ZBTB7C: variants seen among roughly 807,000 people sequenced by gnomAD.
ZBTB7C encodes zinc finger and BTB domain containing 7C.
In ZBTB7C, 8 loss-of-function variants were observed where a neutral mutation model predicts 25.7. The observed-to-expected ratio is 0.31, with a 90% CI of 0.18 to 0.56. The LOEUF (loss-of-function observed/expected upper bound fraction) is 0.56, where lower values mean the gene tolerates loss of function less well. ZBTB7C is among the 20% of genes least tolerant of loss of function. The pLI is 0.91. For synonymous variants in ZBTB7C, 394 were observed against 369.0 expected (o/e 1.07, Z -0.78); for missense variants, 824 against 855.2 (o/e 0.96, Z 0.46).
At chr18:48,034,750 G>A (rs1026467689) in intron 4 of ZBTB7C, among the ~76,000 whole-genome samples, 7 of 152,124 alleles carry the variant, frequency 4.6e-5, no homozygotes, top group South Asian at 2.1e-4. Context: ...CTGCCATCTC[G>A]TTCCATCTCT....
At chr18:48,038,033 G>T (rs1370697247) in intron 4 of ZBTB7C, among the ~76,000 whole-genome samples, 1 of 152,172 alleles carries the variant, frequency 6.6e-6, no homozygotes, top group Admixed American at 6.5e-5. Context: ...TGTTCTGCCT[G>T]GTTCTGTGGG....
rs1316056446 is a variant in ZBTB7C at position 48,029,401 on chromosome 18, G to A, written c.1719C>T (p.Leu573=). ...QLEAERNAGG[L]LAFALAENVA... Reference sequence around the variant, plus strand: ...CGTTCTCGGCCAGCGCGAAGGCCAGGAGGCCCCCCGCGTTCCTCTCAGCCT... The same window carrying A: ...CGTTCTCGGCCAGCGCGAAGGCCAGAAGGCCCCCCGCGTTCCTCTCAGCCT... Residue 573 remains leucine (L), a synonymous_variant, in exon 5 of 5, where the codon CTC becomes CTT. Transcript: ENST00000590800. The A allele has an allele frequency of 6.4e-6, 10 of 1,570,166 alleles. No homozygotes were observed. The Middle Eastern group carries it at 8.4e-4, about 131-fold the overall frequency.
chr18:48,338,125 C>T (rs1386167808), intron 2 of ZBTB7C, 49 bp downstream of exon 2: 1 of 152,220 alleles, frequency 6.6e-6, no homozygotes, highest in Non-Finnish European at 1.5e-5. Flanking sequence ...ATATATTCTC[C>T]TACCTGCCAT....
chr18:48,147,678 C>T (rs1383697756), intron 3 of ZBTB7C: 4 of 151,174 alleles, frequency 2.6e-5, no homozygotes, highest in East Asian at 2.0e-4. Flanking sequence ...TGCAGTGGTG[C>T]GATCTCGGCT....
chr18:48,347,609 T>G (rs1306642975), intron 1 of ZBTB7C, among the ~76,000 whole-genome samples: 2 of 152,092 alleles, frequency 1.3e-5, no homozygotes, highest in African/African-American at 4.8e-5. Context: ...AGGCTTCACA[T>G]GCTATGGGGT....
intron 2 of ZBTB7C, among the ~76,000 whole-genome samples, chr18:48,323,958 G>A (rs1470949200): frequency 2.0e-5 from 3 of 152,142 alleles, no homozygotes; most frequent in African/African-American, 4.8e-5. Flanking sequence ...CAGAAGGGCA[G>A]AGCCTCATGA....
chr18:48,336,005 G>A (rs1031768391), intron 2 of ZBTB7C, among the ~76,000 whole-genome samples: 1 of 152,102 alleles, frequency 6.6e-6, no homozygotes, highest in Non-Finnish European at 1.5e-5. Flanking sequence ...TTGGCTTCTT[G>A]CACACCCCTC....
At chr18:48,205,862 G>T (rs1202757673) in intron 2 of ZBTB7C, among the ~76,000 whole-genome samples, 1 of 152,106 alleles carries the variant, frequency 6.6e-6, no homozygotes, top group African/African-American at 2.4e-5. Flanking sequence ...CTCTCTCAAG[G>T]TTGTTCCCCA....
intron 2 of ZBTB7C, among the ~76,000 whole-genome samples, chr18:48,251,336 C>T (rs770913807): frequency 2.0e-5 from 3 of 152,136 alleles, no homozygotes; most frequent in Non-Finnish European, 4.4e-5. Flanking sequence ...TTAGTTCTAA[C>T]ATTCATACTA....
At chr18:48,199,952 A>G (rs1195018143) in intron 2 of ZBTB7C, among the ~76,000 whole-genome samples, 2 of 152,054 alleles carry the variant, frequency 1.3e-5, no homozygotes. Flanking sequence ...TGACACTTCT[A>G]GCACTTCTCT....
chr18:48,222,885 T>C (rs1372271123), intron 2 of ZBTB7C, among the ~76,000 whole-genome samples: 1 of 152,100 alleles, frequency 6.6e-6, no homozygotes, highest in Non-Finnish European at 1.5e-5. Flanking sequence ...GGAAGCAGCA[T>C]GAAATCTGCA....
intron 3 of ZBTB7C, among the ~76,000 whole-genome samples, chr18:48,152,720 C>T (rs996099223): frequency 1.3e-5 from 2 of 152,146 alleles, no homozygotes; most frequent in African/African-American, 2.4e-5. Flanking sequence ...AGTGGGAAAA[C>T]GGGATTTGGT....
intron 3 of ZBTB7C, among the ~76,000 whole-genome samples, chr18:48,131,859 G>A (rs957434953): frequency 3.3e-5 from 5 of 152,100 alleles, no homozygotes; most frequent in East Asian, 1.9e-4. Flanking sequence ...AAGATAGGAC[G>A]GCTACAATAA....
chr18:48,135,809 A>G (rs2144799006), intron 3 of ZBTB7C, among the ~76,000 whole-genome samples: 1 of 152,350 alleles, frequency 6.6e-6, no homozygotes, highest in East Asian at 1.9e-4. Flanking sequence ...TGTTTCAATC[A>G]CTTCCTTTCT....
chr18:48,303,522 CA>C (rs2045593993), intron 2 of ZBTB7C, among the ~76,000 whole-genome samples: 1 of 152,178 alleles, frequency 6.6e-6, no homozygotes. Context: ...TTAACACTAT[CA>C]AATACAAACT....
intron 3 of ZBTB7C, among the ~76,000 whole-genome samples, chr18:48,140,961 C>CTAA (rs2040324303): frequency 6.6e-6 from 1 of 152,220 alleles, no homozygotes; most frequent in Admixed American, 6.5e-5. Flanking sequence ...CTGCCCCATT[C>CTAA]CTGTTCTGCT....
At chr18:48,359,869 T>A (rs1216870145) in intron 1 of ZBTB7C, among the ~76,000 whole-genome samples, 1 of 152,108 alleles carries the variant, frequency 6.6e-6, no homozygotes, top group East Asian at 1.9e-4. Flanking sequence ...GTGCTTAACA[T>A]CTGTGGGGAC....
At chr18:48,091,985 T>C (rs943625171) in intron 3 of ZBTB7C, among the ~76,000 whole-genome samples, 1 of 152,180 alleles carries the variant, frequency 6.6e-6, no homozygotes, top group African/African-American at 2.4e-5. Flanking sequence ...AAGAAGAACC[T>C]TGGCAAAGAT....
At chr18:48,116,485 C>T (rs908815688) in intron 3 of ZBTB7C, among the ~76,000 whole-genome samples, 4 of 152,266 alleles carry the variant, frequency 2.6e-5, no homozygotes, top group African/African-American at 9.6e-5. Context: ...CTTCTCTCTC[C>T]AGTCCTCAGG....
Sources: allele counts gnomAD v4.1 joint callset (sites outside exome capture counted in the v4.1 genomes callset), GRCh38; gene constraint gnomAD v4.1.1; transcripts MANE v1.5; gene names NCBI Gene and HGNC (gene_info 2026-07-23, HGNC 2026-07-21).